ARIH2: variants seen among roughly 807,000 people sequenced by gnomAD.
ARIH2 encodes E3 ubiquitin-protein ligase ARIH2.
Under a neutral mutation model 79.8 loss-of-function variants are expected in ARIH2, and 12 were observed. The observed-to-expected ratio is 0.15, with a 90% CI of 0.10 to 0.24. The LOEUF (loss-of-function observed/expected upper bound fraction) is 0.24, where lower values mean the gene tolerates loss of function less well. Ranked by LOEUF, ARIH2 falls within the 10% of genes least tolerant of loss-of-function variation. The pLI, the probability that ARIH2 is intolerant of heterozygous loss-of-function variation, is 1.00. For missense variants in ARIH2, 301 were observed against 618.3 expected (o/e 0.49, Z 5.44); for synonymous variants, 224 against 213.9 (o/e 1.05, Z -0.41).
At chr3:48,931,707 T>G (rs1456746968) in intron 3 of ARIH2, among the ~76,000 whole-genome samples, 2 of 151,856 alleles carry the variant, frequency 1.3e-5, no homozygotes, top group African/African-American at 4.8e-5. Flanking sequence ...CTGAGTAAAG[T>G]GTCTTAAGTA....
chr3:48,972,400 T>A (rs960947478), intron 8 of ARIH2, among the ~76,000 whole-genome samples: 1 of 150,428 alleles, frequency 6.6e-6, no homozygotes, highest in Non-Finnish European at 1.5e-5. Context: ...CCTGTGACTT[T>A]AGGAGACTGA....
Position 48,918,860 on chromosome 3 carries a change from C to G in ARIH2, c.-300C>G. On this transcript the variant is annotated 5_prime_UTR_variant, in exon 1 of 16. Coordinates refer to ENST00000356401, the MANE Select transcript of ARIH2 (RefSeq NM_006321.4). Reference sequence around the variant, plus strand: ...CACTTCCGGAGCTGTGGGGACGACTCTTCTGGAGGAAGCAGCGCGGGCTTG... The same window carrying G: ...CACTTCCGGAGCTGTGGGGACGACTGTTCTGGAGGAAGCAGCGCGGGCTTG... 2 of 1,610,790 alleles carry G rather than the reference C, an allele frequency of 1.2e-6. No individual in the cohort carries two copies. Among genetic ancestry groups the G allele is most frequent in the South Asian group, 2.2e-5 (2 of 90,990 alleles).
intron 3 of ARIH2, among the ~76,000 whole-genome samples, chr3:48,939,040 T>G (rs1201491741): frequency 2.0e-5 from 3 of 151,704 alleles, no homozygotes; most frequent in Non-Finnish European, 4.4e-5. Context: ...TGATCTCAGC[T>G]CACTGCAACC....
chr3:48,974,653 T>C (rs1042333630), intron 9 of ARIH2, 164 bp from the exon 10 acceptor site: 24 of 684,460 alleles, frequency 3.5e-5, no homozygotes, highest in Middle Eastern at 3.9e-4. Context: ...TTTCCTTGAA[T>C]TGCTGTTCCA....
intron 3 of ARIH2, among the ~76,000 whole-genome samples, chr3:48,949,360 C>T (rs1234048984): frequency 1.3e-5 from 2 of 152,134 alleles, no homozygotes; most frequent in South Asian, 4.1e-4. Context: ...CCTCGTGATC[C>T]GCCTGCCTTG....
Position 48,983,224 on chromosome 3 carries a change from C to T in ARIH2, c.1436C>T (p.Ala479Val). 1 of 1,614,200 alleles carries T rather than the reference C, an allele frequency of 6.2e-7. No homozygotes were observed. Among genetic ancestry groups the T allele is most frequent in the South Asian group, 1.1e-5 (1 of 91,084 alleles). The change falls in exon 16 of 16, where the codon GCG (alanine) becomes GTG (valine). Residue 479 changes from alanine (A) to valine (V), a missense_variant. Ala to Val is a moderately conservative substitution (Grantham distance 64, BLOSUM62 0). Coordinates refer to ENST00000356401, the MANE Select transcript of ARIH2 (RefSeq NM_006321.4). ...RGDLENQMHI[A>V]EQRRRTLLKD... is the part of the protein sequence containing the mutation. ...GACTTGGAGAACCAGATGCATATAG[C>T]GGAGCAGCGGAGGAGAACCCTGCTG...
At chr3:48,982,287 G>A (rs1237153554) in intron 14 of ARIH2, among the ~76,000 whole-genome samples, 1 of 152,004 alleles carries the variant, frequency 6.6e-6, no homozygotes, top group Non-Finnish European at 1.5e-5. Context: ...ACATTTTATT[G>A]TTATAACAGT....
At chr3:48,974,777 G>A in intron 9 of ARIH2, 40 bp from the exon 10 acceptor site, 2 of 1,609,318 alleles carry the variant, frequency 1.2e-6, no homozygotes, top group South Asian at 2.2e-5. Flanking sequence ...AAACCAACCT[G>A]GTGGTGTGTG....
chr3:48,919,111 G>A (rs755528885), intron 1 of ARIH2, 113 bp downstream of exon 1: 6 of 1,282,010 alleles, frequency 4.7e-6, no homozygotes, highest in Non-Finnish European at 5.9e-6. Flanking sequence ...CGCCCGGGAG[G>A]CCCGGGCGCT....
intron 3 of ARIH2, among the ~76,000 whole-genome samples, chr3:48,929,597 G>GT (rs1378754209): frequency 6.6e-6 from 1 of 151,922 alleles, no homozygotes; most frequent in African/African-American, 2.4e-5. Flanking sequence ...ATTTTTTTAG[G>GT]TTATGTACTG....
rs553196689 is a variant in ARIH2, at chr3:48,961,217, A to G, written c.256-395A>G. 7.2e-5 allele frequency among the ~76,000 whole-genome samples: 11 copies of G among 152,310 alleles called. No individual in the cohort carries two copies. In the South Asian group the frequency reaches 1.7e-3, roughly 23 times the overall value. On this transcript the variant is annotated intron_variant, in intron 3 of 15. Transcript: ENST00000356401. ...GGCCTGGGGATTTTCTACAAGTAACAGGCCTAACTAGAGATGTGCTTCCGG... is the reference window on the plus strand; with the variant it reads ...GGCCTGGGGATTTTCTACAAGTAACGGGCCTAACTAGAGATGTGCTTCCGG...
At chr3:48,973,889 C>A in intron 9 of ARIH2, 73 bp downstream of exon 9, 2 of 1,182,750 alleles carry the variant, frequency 1.7e-6, no homozygotes, top group Non-Finnish European at 2.5e-6. Flanking sequence ...TGGAGATTTG[C>A]CATCTGAGAG....
Position 48,983,302 on chromosome 3 carries a change from A to T in ARIH2, c.*32A>T, listed in dbSNP as rs2092816085. ...ATGTGGATGTGCCGGGGTGAGGAAG[A>T]TGTGGCTGCAAGGTCTCCCGGCTGC... On this transcript the variant is annotated 3_prime_UTR_variant, in exon 16 of 16. Coordinates refer to ENST00000356401, the MANE Select transcript of ARIH2 (RefSeq NM_006321.4). 1 of 1,611,274 alleles carries T rather than the reference A, an allele frequency of 6.2e-7. No homozygotes were observed. The highest frequency in any genetic ancestry group is 1.3e-5 in the African/African-American group (1 of 74,868).
At chr3:48,980,610 C>A in intron 13 of ARIH2, 114 bp downstream of exon 13, 1 of 1,224,850 alleles carries the variant, frequency 8.2e-7, no homozygotes, top group Non-Finnish European at 1.1e-6. Flanking sequence ...CCTGTGCAGC[C>A]TTTCATGCTT....
At chr3:48,927,311 G>C in intron 2 of ARIH2, 151 bp from the exon 3 acceptor site, 1 of 465,722 alleles carries the variant, frequency 2.1e-6, no homozygotes. Flanking sequence ...TGGGCCAGGG[G>C]GATGATAGTA....
chr3:48,949,407 G>A lies in ARIH2; in HGVS notation c.256-12205G>A, dbSNP rs371994818. 1.2e-4 allele frequency among the ~76,000 whole-genome samples: 19 copies of A among 152,264 alleles called. No homozygotes were observed. In the East Asian group the frequency reaches 2.5e-3, roughly 20 times the overall value. On this transcript the variant is annotated intron_variant, in intron 3 of 15. Coordinates refer to ENST00000356401, the MANE Select transcript of ARIH2 (RefSeq NM_006321.4). ...CAGGTGTGAGCCATCGTGCCCAGCC[G>A]TGTTTAACATTTTAAGAAATAAACT...
rs921313214 is a variant in ARIH2, at chr3:48,981,822, T to A, written c.1326+94T>A. On this transcript the variant is annotated intron_variant, in intron 14 of 15. Coordinates refer to ENST00000356401, the MANE Select transcript of ARIH2 (RefSeq NM_006321.4). Reference sequence around the variant, plus strand: ...CAGGAGAGTGAGGACCAGACCTTGGTCATTGGGAGGGCAAAGTTAAAACAA... The same window carrying A: ...CAGGAGAGTGAGGACCAGACCTTGGACATTGGGAGGGCAAAGTTAAAACAA... 3.9e-6 allele frequency: 4 copies of A among 1,032,928 alleles called. No individual in the cohort carries two copies. The African/African-American group carries it at 6.5e-5, about 17-fold the overall frequency. The allele number at this position is 1,032,928 out of a possible 1,614,324, so 64.0% of individuals were successfully genotyped here. A position where few individuals can be genotyped will look rare whatever the true frequency, so the allele number is the denominator to read the frequency against.
chr3:48,973,588 AAAAAG>A, intron 8 of ARIH2, 106 bp from the exon 9 acceptor site: 1 of 768,790 alleles, frequency 1.3e-6, no homozygotes, highest in Admixed American at 2.6e-5. Context: ...AAAAAAAAAA[AAAAAG>A]AAAAAAGCTC....
chr3:48,946,084 G>A lies in ARIH2; in HGVS notation c.256-15528G>A, dbSNP rs9869156. Among the ~76,000 whole-genome samples, 295 of 152,216 alleles carry A rather than the reference G, an allele frequency of 1.9e-3. 1 individual carries two copies. Among genetic ancestry groups the A allele is most frequent in the African/African-American group, 6.9e-3 (286 of 41,542 alleles). On this transcript the variant is annotated intron_variant, in intron 3 of 15. Coordinates refer to ENST00000356401, the MANE Select transcript of ARIH2 (RefSeq NM_006321.4). ...GCCTCCAGAACAAAATGCTGAGATT[G>A]TAGATTTGCATGCTGCTAACCACGT...
Sources: gnomAD v4.1 joint callset for allele counts (sites outside exome capture counted in the v4.1 genomes callset) on GRCh38, gnomAD v4.1.1 for gene constraint, MANE v1.5 for transcripts, NCBI Gene and HGNC (gene_info 2026-07-23, HGNC 2026-07-21) for gene names.